The following ADAMTS19 variants were observed in gnomAD, a reference collection of about 807,000 sequenced individuals.
The protein encoded by ADAMTS19 is ADAM metallopeptidase with thrombospondin type 1 motif 19, also known as A disintegrin and metalloproteinase with thrombospondin motifs 19.
A neutral mutation model predicts 153.3 loss-of-function variants in ADAMTS19; 93 were observed. That is an observed-to-expected ratio of 0.61 (90% confidence interval 0.51 to 0.72). The LOEUF (loss-of-function observed/expected upper bound fraction) is 0.72. Ranked by LOEUF, ADAMTS19 falls within the 30% of genes least tolerant of loss-of-function variation. The pLI, the probability that ADAMTS19 is intolerant of heterozygous loss-of-function variation, is 0.00. For missense variants in ADAMTS19, 1,482 were observed against 1,552.1 expected, an observed-to-expected ratio of 0.95 and a Z score of 0.76; for synonymous variants, 600 against 556.6, an observed-to-expected ratio of 1.08 and a Z score of -1.10.
intron 21 of ADAMTS19, among the ~76,000 whole-genome samples, chr5:129,706,981 A>G (rs1305754975): frequency 1.3e-5 from 2 of 152,208 alleles, no homozygotes; most frequent in African/African-American, 4.8e-5. Flanking sequence ...ATGGCTACCC[A>G]ACTAGAACAT....
chr5:129,622,025 C>T lies in ADAMTS19; in HGVS notation c.1620-173C>T, dbSNP rs897925857. On this transcript the variant is annotated intron_variant, in intron 9 of 22. Transcript: ENST00000274487. ...CTTGAAAATTATTTATTACGATTAT[C>T]TTCATTGTAAATAAATGATTTTTGA... Among the ~76,000 whole-genome samples, 11 of 152,250 alleles carry T rather than the reference C, an allele frequency of 7.2e-5. No homozygotes were observed. The South Asian group carries it at 8.3e-4, about 11-fold the overall frequency.
At chr5:129,634,624 TGCAAACCTAC>T (rs777490169) in intron 10 of ADAMTS19, among the ~76,000 whole-genome samples, 83 of 151,954 alleles carry the variant, frequency 5.5e-4, no homozygotes, top group Non-Finnish European at 9.7e-4. Context: ...GAAACAAGGT[TGCAAACCTAC>T]AACTATCTTA....
At chr5:129,723,087 C>T (rs1757068999) in intron 21 of ADAMTS19, among the ~76,000 whole-genome samples, 1 of 152,094 alleles carries the variant, frequency 6.6e-6, no homozygotes, top group African/African-American at 2.4e-5. Flanking sequence ...TAATGCCAAA[C>T]CCTGTCTGCT....
chr5:129,642,678 G>C (rs1752846839), intron 11 of ADAMTS19, among the ~76,000 whole-genome samples: 1 of 152,148 alleles, frequency 6.6e-6, no homozygotes, highest in African/African-American at 2.4e-5. Flanking sequence ...CAATTGTTAA[G>C]ATCAGAAAGC....
intron 21 of ADAMTS19, among the ~76,000 whole-genome samples, chr5:129,734,159 G>C (rs1298968600): frequency 6.6e-6 from 1 of 151,754 alleles, no homozygotes; most frequent in Non-Finnish European, 1.5e-5. Context: ...TAGAGAAAGA[G>C]AGAAAATAGA....
chr5:129,680,223 A>G (rs1055519679), intron 17 of ADAMTS19, among the ~76,000 whole-genome samples: 1 of 152,172 alleles, frequency 6.6e-6, no homozygotes, highest in Non-Finnish European at 1.5e-5. Context: ...ACTGAAGAGG[A>G]TGTCTATGAA....
At chr5:129,665,100 A>G (rs1263291620) in intron 15 of ADAMTS19, among the ~76,000 whole-genome samples, 1 of 152,110 alleles carries the variant, frequency 6.6e-6, no homozygotes. Context: ...CCGGCTATAT[A>G]TTCTTTTTCC....
intron 2 of ADAMTS19, among the ~76,000 whole-genome samples, chr5:129,496,913 A>G (rs1260787428): frequency 6.6e-6 from 1 of 152,148 alleles, no homozygotes; most frequent in Non-Finnish European, 1.5e-5. Flanking sequence ...TCTTAACTCA[A>G]CAATATGGAA....
At chr5:129,612,247 A>G (rs1751264956) in intron 8 of ADAMTS19, among the ~76,000 whole-genome samples, 1 of 150,930 alleles carries the variant, frequency 6.6e-6, no homozygotes, top group African/African-American at 2.4e-5. Context: ...TCCTTGCGAT[A>G]GTTTGCTGAG....
Position 129,723,422 on chromosome 5 carries a change from A to G in ADAMTS19, c.3313-11510A>G, listed in dbSNP as rs1226692784. Among the ~76,000 whole-genome samples, 6 of 152,208 alleles carry G rather than the reference A, an allele frequency of 3.9e-5. No homozygotes were observed. In the South Asian group the frequency reaches 8.3e-4, roughly 21 times the overall value. On this transcript the variant is annotated intron_variant, in intron 21 of 22. Coordinates refer to ENST00000274487, the MANE Select transcript of ADAMTS19 (RefSeq NM_133638.6). ...AAACAAGTATAGGGTTTAAGAAGGT[A>G]TATTTCATTTGTAAAGAAGATTAAG...
chr5:129,695,518 C>T (rs1755513135), intron 19 of ADAMTS19, among the ~76,000 whole-genome samples: 1 of 152,122 alleles, frequency 6.6e-6, no homozygotes, highest in Admixed American at 6.6e-5. Context: ...GAAGCCCATG[C>T]CTTGGTTACT....
At chr5:129,531,477 T>A (rs1752201363) in intron 6 of ADAMTS19, among the ~76,000 whole-genome samples, 1 of 152,014 alleles carries the variant, frequency 6.6e-6, no homozygotes, top group Non-Finnish European at 1.5e-5. Flanking sequence ...TTACAAAAAT[T>A]AGCTGGGCAT....
chr5:129,708,098 T>C (rs1756250710), intron 21 of ADAMTS19, among the ~76,000 whole-genome samples: 1 of 152,138 alleles, frequency 6.6e-6, no homozygotes, highest in Non-Finnish European at 1.5e-5. Context: ...GTGTAAATAG[T>C]GGAAAAATTG....
intron 8 of ADAMTS19, among the ~76,000 whole-genome samples, chr5:129,604,156 C>T (rs1270630283): frequency 6.6e-6 from 1 of 152,018 alleles, no homozygotes; most frequent in East Asian, 1.9e-4. Context: ...GCATGCTGGG[C>T]TTAATACTTA....
At chr5:129,511,024 T>A (rs892107627) in intron 3 of ADAMTS19, among the ~76,000 whole-genome samples, 1 of 151,790 alleles carries the variant, frequency 6.6e-6, no homozygotes, top group Non-Finnish European at 1.5e-5. Flanking sequence ...TTAAAAATCA[T>A]TTAAAAATTA....
chr5:129,678,377 C>T (rs758854098), intron 16 of ADAMTS19, among the ~76,000 whole-genome samples: 6 of 152,038 alleles, frequency 3.9e-5, no homozygotes, highest in Non-Finnish European at 7.4e-5. Context: ...AACTCTGCCA[C>T]GCAAGTGTCA....
At chr5:129,706,902 A>C (rs1161936546) in intron 21 of ADAMTS19, among the ~76,000 whole-genome samples, 1 of 152,208 alleles carries the variant, frequency 6.6e-6, no homozygotes, top group Admixed American at 6.5e-5. Flanking sequence ...CAGTTTTATG[A>C]ATATATGTAT....
chr5:129,692,783 T>A (rs1755391940), intron 18 of ADAMTS19, among the ~76,000 whole-genome samples: 1 of 152,178 alleles, frequency 6.6e-6, no homozygotes, highest in Non-Finnish European at 1.5e-5. Flanking sequence ...CTTTTTAACC[T>A]GTGGTTGGAT....
intron 8 of ADAMTS19, among the ~76,000 whole-genome samples, chr5:129,611,887 C>T (rs1414507202): frequency 6.6e-6 from 1 of 152,090 alleles, no homozygotes; most frequent in African/African-American, 2.4e-5. Context: ...AAACTCACAG[C>T]TGTTCTCTCC....
Sources: allele counts gnomAD v4.1 joint callset (sites outside exome capture counted in the v4.1 genomes callset), GRCh38; gene constraint gnomAD v4.1.1; transcripts MANE v1.5; gene names NCBI Gene and HGNC (gene_info 2026-07-23, HGNC 2026-07-21).